The following PDSS2 variants were observed in gnomAD, a reference collection of about 807,000 sequenced individuals.
PDSS2 encodes all trans-polyprenyl-diphosphate synthase PDSS2.
In PDSS2, 31 loss-of-function variants were observed where a neutral mutation model predicts 44.5. That is an observed-to-expected ratio of 0.70 (90% CI 0.52 to 0.94). The LOEUF (loss-of-function observed/expected upper bound fraction) is 0.94, where lower values mean the gene tolerates loss of function less well. Ranked by LOEUF, PDSS2 falls within the 40% of genes least tolerant of loss-of-function variation. The probability of loss-of-function intolerance (pLI) is 0.00; values close to 1 mark genes in which losing one functional copy is unlikely to be tolerated. For synonymous variants in PDSS2, 157 were observed against 180.3 expected (o/e 0.87, Z 1.03); for missense variants, 452 against 482.2 (o/e 0.94, Z 0.59).
At chr6:107,287,997 A>G (rs1415027611) in intron 2 of PDSS2, among the ~76,000 whole-genome samples, 2 of 152,088 alleles carry the variant, frequency 1.3e-5, no homozygotes, top group Non-Finnish European at 2.9e-5. Context: ...CCTGTCCTCT[A>G]AAGAACAAAA....
chr6:107,308,355 T>C (rs1289019887), intron 2 of PDSS2, among the ~76,000 whole-genome samples: 1 of 152,244 alleles, frequency 6.6e-6, no homozygotes, highest in Admixed American at 6.5e-5. Flanking sequence ...ATATCTACTA[T>C]GTGTTAGACC....
intron 1 of PDSS2, among the ~76,000 whole-genome samples, chr6:107,355,200 T>G (rs539593434): frequency 9.8e-5 from 15 of 152,312 alleles, no homozygotes; most frequent in African/African-American, 3.6e-4. Flanking sequence ...ATTACAGGTG[T>G]GAGCCATCAC....
At chr6:107,170,381 T>G (rs1237818835) in intron 7 of PDSS2, among the ~76,000 whole-genome samples, 1 of 152,180 alleles carries the variant, frequency 6.6e-6, no homozygotes, top group African/African-American at 2.4e-5. Flanking sequence ...CTGTCACAGC[T>G]TCGCTTGGCT....
chr6:107,319,162 G>A (rs1051799059), intron 2 of PDSS2, among the ~76,000 whole-genome samples: 3 of 151,922 alleles, frequency 2.0e-5, no homozygotes, highest in Non-Finnish European at 4.4e-5. Flanking sequence ...ATCGGAAAGT[G>A]GAAAAATTAA....
chr6:107,402,533 T>TTATATATATA (rs765013424), intron 1 of PDSS2, among the ~76,000 whole-genome samples: 42 of 63,832 alleles, frequency 6.6e-4, no homozygotes, highest in African/African-American at 1.8e-3. Context: ...TACATACATT[T>TTATATATATA]TATATATATA....
chr6:107,175,850 G>C (rs1158653453), intron 7 of PDSS2, among the ~76,000 whole-genome samples: 5 of 152,104 alleles, frequency 3.3e-5, no homozygotes, highest in Non-Finnish European at 7.4e-5. Flanking sequence ...CACTGAGCAA[G>C]ACAGGTATTA....
chr6:107,353,081 T>C (rs1230021927), intron 1 of PDSS2, among the ~76,000 whole-genome samples: 1 of 152,246 alleles, frequency 6.6e-6, no homozygotes, highest in Non-Finnish European at 1.5e-5. Context: ...TCAATGCTTT[T>C]TGGCTTCAGT....
chr6:107,399,250 A>AC (rs1331207423), intron 1 of PDSS2, among the ~76,000 whole-genome samples: 1 of 152,180 alleles, frequency 6.6e-6, no homozygotes, highest in Non-Finnish European at 1.5e-5. Context: ...CTAACAAGGT[A>AC]CCTACCCTTG....
intron 3 of PDSS2, among the ~76,000 whole-genome samples, chr6:107,252,568 A>T (rs1048888984): frequency 1.3e-5 from 2 of 152,182 alleles, no homozygotes; most frequent in African/African-American, 2.4e-5. Flanking sequence ...TTGGTTCATA[A>T]ACTAACTACT....
At chr6:107,374,957 A>T (rs1779240354) in intron 1 of PDSS2, among the ~76,000 whole-genome samples, 1 of 152,130 alleles carries the variant, frequency 6.6e-6, no homozygotes, top group Non-Finnish European at 1.5e-5. Context: ...ATATCTAGAA[A>T]ATCCCCAAAT....
At chr6:107,329,647 G>A (rs1170646109) in intron 2 of PDSS2, among the ~76,000 whole-genome samples, 1 of 152,142 alleles carries the variant, frequency 6.6e-6, no homozygotes, top group East Asian at 1.9e-4. Flanking sequence ...ACATTGTGAG[G>A]TACTAGGGGT....
chr6:107,307,312 CAG>C (rs1183987884), intron 2 of PDSS2, among the ~76,000 whole-genome samples: 1 of 152,108 alleles, frequency 6.6e-6, no homozygotes, highest in Admixed American at 6.6e-5. Context: ...TAATCAGAAA[CAG>C]AGATATCTGA....
chr6:107,329,948 CCGAGA>C (rs1777661315), intron 2 of PDSS2, among the ~76,000 whole-genome samples: 1 of 150,552 alleles, frequency 6.6e-6, no homozygotes, highest in African/African-American at 2.5e-5. Context: ...CTTCAGTGAG[CCGAGA>C]CTGCATCACT....
At chr6:107,393,360 G>A (rs1779844728) in intron 1 of PDSS2, among the ~76,000 whole-genome samples, 1 of 151,964 alleles carries the variant, frequency 6.6e-6, no homozygotes, top group African/African-American at 2.4e-5. Context: ...TTCAGTCAGG[G>A]AATACATTCT....
chr6:107,257,967 A>G (rs1434271667), intron 3 of PDSS2, among the ~76,000 whole-genome samples: 1 of 152,172 alleles, frequency 6.6e-6, no homozygotes, highest in Admixed American at 6.5e-5. Flanking sequence ...TGCACACACA[A>G]AAATTTTTTT....
At chr6:107,355,674 G>C (rs1778577793) in intron 1 of PDSS2, among the ~76,000 whole-genome samples, 1 of 152,156 alleles carries the variant, frequency 6.6e-6, no homozygotes, top group Non-Finnish European at 1.5e-5. Flanking sequence ...TATAGTACTT[G>C]CAGCGTGGAA....
intron 4 of PDSS2, among the ~76,000 whole-genome samples, chr6:107,225,168 T>A (rs1470574454): frequency 0.064 from 2,718 of 42,490 alleles, 202 homozygotes; most frequent in African/African-American, 0.18. Context: ...TATATTTTTT[T>A]TTTTTTTTTT....
intron 6 of PDSS2, among the ~76,000 whole-genome samples, chr6:107,204,376 G>C (rs1410525360): frequency 6.6e-6 from 1 of 151,998 alleles, no homozygotes; most frequent in Non-Finnish European, 1.5e-5. Context: ...TAGACACTGG[G>C]CTATTTCTAC....
At chr6:107,357,791 T>C (rs1778638287) in intron 1 of PDSS2, among the ~76,000 whole-genome samples, 1 of 152,174 alleles carries the variant, frequency 6.6e-6, no homozygotes, top group African/African-American at 2.4e-5. Context: ...TTTGAACTAT[T>C]TGAGGAATCT....
Sources: gnomAD v4.1 joint callset for allele counts (sites outside exome capture counted in the v4.1 genomes callset) on GRCh38, gnomAD v4.1.1 for gene constraint, MANE v1.5 for transcripts, NCBI Gene and HGNC (gene_info 2026-07-23, HGNC 2026-07-21) for gene names.